The following RBFOX1 variants were observed in gnomAD, a reference collection of about 807,000 sequenced individuals.
RBFOX1 encodes the protein RNA binding fox-1 homolog 1.
In RBFOX1, 8 loss-of-function variants were observed where a neutral mutation model predicts 57.7. The ratio of observed to expected loss-of-function variants is 0.14; its 90% CI spans 0.08 to 0.25. RBFOX1 has a LOEUF of 0.25. Among genes scored for constraint, RBFOX1 ranks in the 10% least tolerant of loss-of-function variants. The probability of loss-of-function intolerance (pLI) is 1.00; values close to 1 mark genes in which losing one functional copy is unlikely to be tolerated. For synonymous variants in RBFOX1, 326 were observed against 222.4 expected, an observed-to-expected ratio of 1.47 and a Z score of -4.15; for missense variants, 611 against 548.5, an observed-to-expected ratio of 1.11 and a Z score of -1.14.
intron 4 of RBFOX1, among the ~76,000 whole-genome samples, chr16:7,463,001 G>T (rs2059857814): frequency 6.6e-6 from 1 of 152,118 alleles, no homozygotes; most frequent in African/African-American, 2.4e-5. Context: ...GTCTTAGCCT[G>T]CTTGGGCTGC....
At chr16:7,337,819 G>A (rs540574040) in intron 4 of RBFOX1, among the ~76,000 whole-genome samples, 3 of 152,194 alleles carry the variant, frequency 2.0e-5, no homozygotes, top group South Asian at 4.2e-4. Context: ...CAAGTAACTG[G>A]GATTACAGGC....
intron 4 of RBFOX1, among the ~76,000 whole-genome samples, chr16:7,313,604 A>G (rs901938416): frequency 6.6e-6 from 1 of 152,004 alleles, no homozygotes; most frequent in Admixed American, 6.6e-5. Flanking sequence ...GATGATCATA[A>G]TAATAAAATA....
chr16:6,593,577 G>T (rs1415835326), intron 2 of RBFOX1, among the ~76,000 whole-genome samples: 1 of 152,104 alleles, frequency 6.6e-6, no homozygotes, highest in Non-Finnish European at 1.5e-5. Flanking sequence ...GTTTTCATTT[G>T]TTGCTTCTCT....
chr16:7,660,268 CA>C (rs2067376650), intron 12 of RBFOX1, among the ~76,000 whole-genome samples: 1 of 152,140 alleles, frequency 6.6e-6, no homozygotes, highest in Non-Finnish European at 1.5e-5. Context: ...TATGTCCTTG[CA>C]AAAGCACATT....
chr16:6,075,906 G>T (rs545830931), intron 1 of RBFOX1, among the ~76,000 whole-genome samples: 1 of 152,160 alleles, frequency 6.6e-6, no homozygotes, highest in Non-Finnish European at 1.5e-5. Context: ...CTCATTTAAT[G>T]CTTGTGGCAA....
At position 7,531,199 on chromosome 16, in the gene RBFOX1, T is replaced by C. The variant is rs1209643044; in HGVS notation, c.270+12810T>C. Among the ~76,000 whole-genome samples the C allele has an allele frequency of 2.0e-5, 3 of 152,222 alleles. No homozygotes were observed. The East Asian group carries it at 5.8e-4, about 29-fold the overall frequency. On this transcript the variant is annotated intron_variant, in intron 5 of 15. Coordinates refer to ENST00000550418, the MANE Select transcript of RBFOX1 (RefSeq NM_018723.4). Reference sequence around the variant, plus strand: ...CCAAACAATATGGGCTGCCCTGATCTTTTAAAAGGGAGAAATGTAAATGCC... The same window carrying C: ...CCAAACAATATGGGCTGCCCTGATCCTTTAAAAGGGAGAAATGTAAATGCC...
chr16:5,783,054 A>G (rs1423347066), intron 3 of RBFOX1, among the ~76,000 whole-genome samples: 5 of 152,190 alleles, frequency 3.3e-5, no homozygotes, highest in Admixed American at 6.5e-5. Flanking sequence ...CAGAAGTAAT[A>G]TTTCACCAAA....
chr16:7,436,067 C>G (rs970065795), intron 4 of RBFOX1, among the ~76,000 whole-genome samples: 1 of 152,146 alleles, frequency 6.6e-6, no homozygotes, highest in Non-Finnish European at 1.5e-5. Context: ...GAATTTCTTT[C>G]CACAGATGCA....
intron 1 of RBFOX1, among the ~76,000 whole-genome samples, chr16:6,267,107 C>G (rs1209491726): frequency 6.6e-6 from 1 of 152,026 alleles, no homozygotes; most frequent in Non-Finnish European, 1.5e-5. Context: ...CACAGCCACA[C>G]AAAATGGAGG....
chr16:6,623,409 C>A (rs1332071089), intron 2 of RBFOX1, among the ~76,000 whole-genome samples: 2 of 151,192 alleles, frequency 1.3e-5, no homozygotes, highest in African/African-American at 4.9e-5. Context: ...ACCCCTGGTA[C>A]TGAGTCCATG....
At chr16:6,159,179 C>T (rs1248223897) in intron 1 of RBFOX1, among the ~76,000 whole-genome samples, 4 of 152,140 alleles carry the variant, frequency 2.6e-5, no homozygotes, top group East Asian at 1.9e-4. Context: ...CAGGTTCAAG[C>T]GACTCTCCTG....
chr16:5,504,961 G>A (rs1466973566), intron 2 of RBFOX1, among the ~76,000 whole-genome samples: 2 of 152,214 alleles, frequency 1.3e-5, no homozygotes, highest in African/African-American at 2.4e-5. Context: ...AGGGGCTGGG[G>A]ACGATGGGTT....
At chr16:7,450,384 C>A (rs1466146029) in intron 4 of RBFOX1, among the ~76,000 whole-genome samples, 3 of 92,014 alleles carry the variant, frequency 3.3e-5, no homozygotes, top group South Asian at 5.1e-4. Context: ...CAGAGCAAGA[C>A]TCTGTCTCAA....
At chr16:6,320,857 G>T (rs1196416038) in intron 2 of RBFOX1, among the ~76,000 whole-genome samples, 1 of 152,080 alleles carries the variant, frequency 6.6e-6, no homozygotes. Flanking sequence ...GCAGTGGCAC[G>T]ATCTCAGCTC....
intron 4 of RBFOX1, among the ~76,000 whole-genome samples, chr16:5,962,100 A>G (rs1310289063): frequency 3.3e-5 from 5 of 152,192 alleles, no homozygotes; most frequent in Admixed American, 2.0e-4. Flanking sequence ...TCCAGGTGGT[A>G]TGATGAATAA....
intron 1 of RBFOX1, among the ~76,000 whole-genome samples, chr16:5,350,075 G>A (rs2151313326): frequency 6.6e-6 from 1 of 152,324 alleles, no homozygotes; most frequent in South Asian, 2.1e-4. Context: ...ATGAAAGCCT[G>A]GGGTAGAAGT....
At chr16:5,966,046 G>A (rs564684237) in intron 4 of RBFOX1, among the ~76,000 whole-genome samples, 2 of 152,060 alleles carry the variant, frequency 1.3e-5, no homozygotes, top group East Asian at 1.9e-4. Flanking sequence ...CTTATTTTTC[G>A]TCTGTGCTTT....
chr16:5,485,004 A>T (rs1032454543), intron 2 of RBFOX1, among the ~76,000 whole-genome samples: 2 of 151,780 alleles, frequency 1.3e-5, no homozygotes, highest in African/African-American at 4.8e-5. Context: ...AGCTTCCGTG[A>T]GCTATGATTA....
chr16:5,776,500 G>C (rs529729610), intron 3 of RBFOX1, among the ~76,000 whole-genome samples: 5 of 152,194 alleles, frequency 3.3e-5, no homozygotes, highest in African/African-American at 1.2e-4. Flanking sequence ...GTCTAAAAGG[G>C]AAATGGTAAT....
Sources: allele counts gnomAD v4.1 joint callset (sites outside exome capture counted in the v4.1 genomes callset), GRCh38; gene constraint gnomAD v4.1.1; transcripts MANE v1.5; gene names NCBI Gene and HGNC (gene_info 2026-07-23, HGNC 2026-07-21).